Variants in NCOR1 observed in about 807,000 individuals in gnomAD.
NCOR1 encodes nuclear receptor corepressor 1, also known as protein phosphatase 1, regulatory subunit 109.
Under a neutral mutation model 288.1 loss-of-function variants are expected in NCOR1, and 63 were observed. The ratio of observed to expected loss-of-function variants is 0.22; its 90% CI spans 0.18 to 0.27. The LOEUF is 0.27. NCOR1 is among the 10% of genes least tolerant of loss of function. The pLI, the probability that NCOR1 is intolerant of heterozygous loss-of-function variation, is 1.00. For synonymous variants in NCOR1, 1,007 were observed against 1,065.9 expected, an observed-to-expected ratio of 0.94 and a Z score of 1.08; for missense variants, 2,397 against 3,019.2, an observed-to-expected ratio of 0.79 and a Z score of 4.83.
rs1420001145 is a variant in NCOR1, at chr17:16,071,537, T to C, written c.4024A>G (p.Thr1342Ala). 62 of 1,614,170 alleles carry C rather than the reference T, an allele frequency of 3.8e-5. No individual in the cohort carries two copies. Among genetic ancestry groups the C allele is most frequent in the Non-Finnish European group, 5.1e-5 (60 of 1,180,018 alleles). ...GAACGCCCCATTTCTTTGATGGTGGTGATGCCATCATATGGTTTTCCTTTG... is the reference window on the plus strand; with the variant it reads ...GAACGCCCCATTTCTTTGATGGTGGCGATGCCATCATATGGTTTTCCTTTG... ...ITKGKPYDGI[T>A]TIKEMGRSIH... Residue 1342 changes from threonine to alanine, a missense_variant, in exon 30 of 46, where the codon ACC becomes GCC. Transcript: ENST00000268712.
chr17:16,107,786 C>G (rs4500784), intron 19 of NCOR1, among the ~76,000 whole-genome samples: 11,767 of 152,182 alleles, frequency 0.077, 677 homozygotes, highest in African/African-American at 0.17. Flanking sequence ...CTCTAATACT[C>G]TCTCTACTCT....
Position 16,057,533 on chromosome 17 carries a change from C to T in NCOR1, c.6373G>A (p.Val2125Met). 5 of 1,614,084 alleles carry T rather than the reference C, an allele frequency of 3.1e-6. No individual in the cohort carries two copies. Among genetic ancestry groups the T allele is most frequent in the Non-Finnish European group, 4.2e-6 (5 of 1,179,952 alleles). Reference protein sequence around the residue: ...PGSRVSPENLVDKSRGSRPGK... With the variant: ...PGSRVSPENLMDKSRGSRPGK... ...TCATACCTTCCCCTGGATTTGTCCA[C>T]AAGATTTTCTGGAGAGACCCTTGAA... Residue 2125 changes from valine to methionine, a missense_variant, in exon 40 of 46, where the codon GTG becomes ATG. This residue lies in a region of NCOR1 where 1,872 missense variants were observed against 2,187.8 expected (regional missense o/e 0.86). Transcript: ENST00000268712.
At chr17:16,133,082 C>T (rs1424182962) in intron 14 of NCOR1, among the ~76,000 whole-genome samples, 1 of 152,064 alleles carries the variant, frequency 6.6e-6, no homozygotes, top group African/African-American at 2.4e-5. Context: ...GATTTTTCTA[C>T]CTCAGCCTCC....
intron 45 of NCOR1, among the ~76,000 whole-genome samples, chr17:16,033,212 G>A (rs1972679110): frequency 6.6e-6 from 1 of 151,890 alleles, no homozygotes; most frequent in African/African-American, 2.4e-5. Context: ...GTGCATGCCT[G>A]TAATCCCAGC....
At position 16,118,326 on chromosome 17, in the gene NCOR1, T is replaced by G. The variant is rs187039957; in HGVS notation, c.1916-299A>C. ...CAACATTAGACACATTAGTAATAGC[T>G]CAAATACTTGCAAACTAAATGATTA... On this transcript the variant is annotated intron_variant, in intron 17 of 45. Transcript: ENST00000268712. Among the ~76,000 whole-genome samples the G allele has an allele frequency of 1.6e-3, 245 of 152,264 alleles. 1 individual carries two copies. The highest frequency in any genetic ancestry group is 1.0e-3 in the Non-Finnish European group (69 of 68,024).
chr17:16,185,742 G>C (rs2086548443), intron 3 of NCOR1, among the ~76,000 whole-genome samples: 1 of 149,494 alleles, frequency 6.7e-6, no homozygotes, highest in South Asian at 2.1e-4. Flanking sequence ...GGGGTGGGTG[G>C]ATCACTTGAG....
At position 16,135,791 on chromosome 17, in the gene NCOR1, G is replaced by T. The variant is rs984662827; in HGVS notation, c.1509+1520C>A. Among the ~76,000 whole-genome samples the T allele has an allele frequency of 2.6e-5, 4 of 152,302 alleles. No individual in the cohort carries two copies. In the South Asian group the frequency reaches 8.3e-4, roughly 32 times the overall value. Reference sequence around the variant, plus strand: ...ATAATGACCCAGAAAACATAAAAAGGTTATAGCTGTGAATACTGAGAGAAC... The same window carrying T: ...ATAATGACCCAGAAAACATAAAAAGTTTATAGCTGTGAATACTGAGAGAAC... On this transcript the variant is annotated intron_variant, in intron 14 of 45. Transcript: ENST00000268712.
intron 18 of NCOR1, among the ~76,000 whole-genome samples, chr17:16,113,581 C>A (rs926962379): frequency 2.0e-5 from 3 of 151,900 alleles, no homozygotes; most frequent in Non-Finnish European, 4.4e-5. Context: ...TATCAAGGAA[C>A]CCTTCATACT....
At chr17:16,153,437 C>T (rs769642000) in intron 6 of NCOR1, 42 bp from the exon 7 acceptor site, 10 of 1,310,836 alleles carry the variant, frequency 7.6e-6, no homozygotes, top group Non-Finnish European at 1.1e-5. Context: ...TTAAAAATTA[C>T]ATTATCTAAG....
chr17:16,171,852 A>G lies in NCOR1; in HGVS notation c.386T>C (p.Leu129Ser). The change falls in exon 4 of 46, where the codon TTA (leucine) becomes TCA (serine). Residue 129 changes from leucine to serine, a missense_variant. Around this residue, in one of 11 missense-constraint regions of NCOR1, gnomAD observed 110 missense variants for 123.2 expected, o/e 0.89. Coordinates refer to ENST00000268712, the MANE Select transcript of NCOR1 (RefSeq NM_006311.4). ...CAGCCCTTCTGGCAGCGGGTGCACT[A>G]AAGGCAAAACCGCAGCACTGACACG... ...FQRVSAAVLP[L>S]VHPLPEGLRA... 1 of 1,612,246 alleles carries G rather than the reference A, an allele frequency of 6.2e-7. No individual in the cohort carries two copies.
intron 18 of NCOR1, among the ~76,000 whole-genome samples, chr17:16,116,525 A>G (rs933399667): frequency 6.6e-6 from 1 of 152,204 alleles, no homozygotes; most frequent in African/African-American, 2.4e-5. Context: ...CAGTTATTTT[A>G]TTTCAAAGAC....
chr17:16,143,833 A>G lies in NCOR1; in HGVS notation c.1083-137T>C. On this transcript the variant is annotated intron_variant, in intron 10 of 45. Transcript: ENST00000268712. ...GAAGAAACATAAAATACTATTGAGT[A>G]TATACTTTTAAGTAATATGCTGTGT... 3 of 600,334 alleles carry G rather than the reference A, an allele frequency of 5.0e-6. 1 individual carries two copies. The South Asian group carries it at 7.2e-5, about 14-fold the overall frequency. The allele number at this position is 600,334 out of a possible 1,614,324, so 37.2% of individuals were successfully genotyped here.
intron 6 of NCOR1, among the ~76,000 whole-genome samples, chr17:16,155,759 C>T (rs185077667): frequency 5.3e-5 from 8 of 152,254 alleles, no homozygotes; most frequent in Non-Finnish European, 8.8e-5. Context: ...AGGTGTACTT[C>T]TGTAATTACC....
chr17:16,214,497 G>C (rs1235247652), intron 1 of NCOR1, among the ~76,000 whole-genome samples: 5 of 152,132 alleles, frequency 3.3e-5, no homozygotes, highest in African/African-American at 1.2e-4. Context: ...TCTGATGCAG[G>C]TTTACATACT....
chr17:16,117,747 G>A (rs139011594), intron 18 of NCOR1, 141 bp downstream of exon 18: 41 of 862,034 alleles, frequency 4.8e-5, no homozygotes, highest in Middle Eastern at 3.8e-4. Context: ...GCTTGAATCC[G>A]GGAGGAAGAG....
At chr17:16,151,110 C>T (rs961250546) in intron 8 of NCOR1, among the ~76,000 whole-genome samples, 1 of 151,484 alleles carries the variant, frequency 6.6e-6, no homozygotes, top group African/African-American at 2.4e-5. Context: ...TAATTATGTT[C>T]TGCTTATACT....
intron 44 of NCOR1, chr17:16,039,228 A>G (rs983808472): frequency 5.1e-5 from 29 of 573,860 alleles, no homozygotes; most frequent in Non-Finnish European, 7.7e-5. Context: ...ACTTTGGGTA[A>G]AAATTTTCTT....
chr17:16,205,527 A>G (rs2091384390), intron 1 of NCOR1, among the ~76,000 whole-genome samples: 1 of 152,050 alleles, frequency 6.6e-6, no homozygotes, highest in Non-Finnish European at 1.5e-5. Context: ...AGGCTGAGGC[A>G]GGGGAATCGC....
chr17:16,116,259 G>A (rs900620675), intron 18 of NCOR1, among the ~76,000 whole-genome samples: 3 of 152,252 alleles, frequency 2.0e-5, no homozygotes, highest in South Asian at 4.1e-4. Context: ...TGAGACTTGG[G>A]TGGCAACAAA....
Sources: allele counts gnomAD v4.1 joint callset (sites outside exome capture counted in the v4.1 genomes callset), GRCh38; gene constraint gnomAD v4.1.1; regional missense constraint gnomAD v4.1.1; transcripts MANE v1.5; gene names NCBI Gene and HGNC (gene_info 2026-07-23, HGNC 2026-07-21).